CPED1: variants seen among roughly 807,000 people sequenced by gnomAD.
The protein encoded by CPED1 is cadherin-like and PC-esterase domain-containing protein 1.
Under a neutral mutation model 128.2 loss-of-function variants are expected in CPED1, and 114 were observed. The ratio of observed to expected loss-of-function variants is 0.89; its 90% CI spans 0.76 to 1.04. The LOEUF is 1.04. Among genes scored for constraint, CPED1 ranks in the 50% least tolerant of loss-of-function variants. CPED1 has a pLI of 0.00. For missense variants in CPED1, 1,211 were observed against 1,207.1 expected (o/e 1.00, Z -0.05); for synonymous variants, 462 against 426.7 (o/e 1.08, Z -1.02).
chr7:121,082,355 CAACAT>C (rs1231694367), intron 5 of CPED1, among the ~76,000 whole-genome samples: 2 of 152,128 alleles, frequency 1.3e-5, no homozygotes, highest in Non-Finnish European at 2.9e-5. Context: ...TTTTCTACCT[CAACAT>C]AAAGCTGTCA....
chr7:121,288,056 G>T (rs1249091909), intron 22 of CPED1, among the ~76,000 whole-genome samples: 2 of 152,076 alleles, frequency 1.3e-5, no homozygotes, highest in Non-Finnish European at 2.9e-5. Flanking sequence ...TTTCTGTAAT[G>T]AAATGTTTCA....
intron 16 of CPED1, among the ~76,000 whole-genome samples, chr7:121,232,286 G>A (rs1236802548): frequency 1.3e-5 from 2 of 152,102 alleles, no homozygotes; most frequent in Non-Finnish European, 2.9e-5. Flanking sequence ...GGAACATTGC[G>A]TGAAGCCTTT....
chr7:121,127,123 A>G lies in CPED1; in HGVS notation c.1168A>G (p.Asn390Asp), dbSNP rs746742667. ...GCATTTAAATTTTCAAGATTATGAT[A>G]ATATGGATTTTGAGGACCAAAATAC... ...HEHLNFQDYD[N>D]MDFEDQNTEE... Residue 390 changes from asparagine to aspartate, a missense_variant, in exon 10 of 23, where the codon AAT (asparagine) becomes GAT (aspartate). Coordinates refer to ENST00000310396, the MANE Select transcript of CPED1 (RefSeq NM_024913.5). The G allele has an allele frequency of 2.9e-5, 46 of 1,601,484 alleles. 1 individual carries two copies. Among genetic ancestry groups the G allele is most frequent in the South Asian group, 1.9e-4 (17 of 90,312 alleles).
At chr7:121,196,193 AATAAAATGGTGGGGAGAAG>A (rs1797268950) in intron 16 of CPED1, among the ~76,000 whole-genome samples, 1 of 152,028 alleles carries the variant, frequency 6.6e-6, no homozygotes. Context: ...AGTCCTGGTG[AATAAAATGGTGGGGAGAAG>A]ATTGCTGAGA....
chr7:121,255,778 G>A (rs546491759), intron 18 of CPED1, among the ~76,000 whole-genome samples: 1 of 151,932 alleles, frequency 6.6e-6, no homozygotes, highest in Non-Finnish European at 1.5e-5. Context: ...TCCAGGCTGA[G>A]AGTCAAATCA....
intron 7 of CPED1, among the ~76,000 whole-genome samples, chr7:121,124,069 AT>A (rs2116312897): frequency 6.6e-6 from 1 of 152,286 alleles, no homozygotes; most frequent in African/African-American, 2.4e-5. Flanking sequence ...CAAGACTTGC[AT>A]TTTCCACGAT....
chr7:121,244,466 T>C, intron 18 of CPED1, 128 bp downstream of exon 18: 1 of 921,030 alleles, frequency 1.1e-6, no homozygotes, highest in South Asian at 1.7e-5. Flanking sequence ...GAATGCAATA[T>C]GGCTTTTTGA....
At chr7:121,020,487 GA>G (rs1183221402) in intron 3 of CPED1, among the ~76,000 whole-genome samples, 1 of 151,872 alleles carries the variant, frequency 6.6e-6, no homozygotes, top group African/African-American at 2.4e-5. Context: ...GTCCTTTACA[GA>G]AAAAAGTTTC....
chr7:121,151,850 G>A (rs1353467654), intron 16 of CPED1, among the ~76,000 whole-genome samples: 1 of 138,550 alleles, frequency 7.2e-6, no homozygotes, highest in Admixed American at 8.0e-5. Flanking sequence ...GTAATGCTGA[G>A]AAAATTTCCA....
At chr7:121,189,173 T>A (rs1255887079) in intron 16 of CPED1, among the ~76,000 whole-genome samples, 1 of 152,154 alleles carries the variant, frequency 6.6e-6, no homozygotes, top group African/African-American at 2.4e-5. Flanking sequence ...TCTTCATTTA[T>A]GAAGATGAAG....
chr7:121,084,085 A>T (rs1794361384), intron 5 of CPED1, among the ~76,000 whole-genome samples: 1 of 152,170 alleles, frequency 6.6e-6, no homozygotes, highest in Admixed American at 6.5e-5. Context: ...GGATTCTAAA[A>T]TCATTACAAA....
At chr7:121,147,518 A>G (rs1222404974) in intron 16 of CPED1, among the ~76,000 whole-genome samples, 1 of 152,150 alleles carries the variant, frequency 6.6e-6, no homozygotes, top group Non-Finnish European at 1.5e-5. Context: ...AAATATACTT[A>G]TAAGAAAATT....
chr7:121,042,724 A>G (rs1034964647), intron 3 of CPED1, among the ~76,000 whole-genome samples: 2 of 152,190 alleles, frequency 1.3e-5, no homozygotes, highest in African/African-American at 4.8e-5. Flanking sequence ...AGATTGTTGT[A>G]TAGGATAAAT....
intron 4 of CPED1, among the ~76,000 whole-genome samples, chr7:121,060,265 C>T (rs1793623464): frequency 6.6e-6 from 1 of 152,232 alleles, no homozygotes; most frequent in African/African-American, 2.4e-5. Context: ...TGATGAGCGC[C>T]GCCCCTTGCT....
chr7:121,236,285 C>G (rs776598204), intron 16 of CPED1, among the ~76,000 whole-genome samples: 7 of 152,042 alleles, frequency 4.6e-5, no homozygotes, highest in Non-Finnish European at 7.4e-5. Flanking sequence ...GCATCTGATT[C>G]CACTCTGGTG....
At chr7:121,081,198 A>T (rs1794284740) in intron 5 of CPED1, among the ~76,000 whole-genome samples, 1 of 152,216 alleles carries the variant, frequency 6.6e-6, no homozygotes, top group Admixed American at 6.5e-5. Context: ...CTGTTGAAAA[A>T]TATATTGATA....
At chr7:121,157,539 T>C (rs1397155735) in intron 16 of CPED1, among the ~76,000 whole-genome samples, 2 of 152,190 alleles carry the variant, frequency 1.3e-5, no homozygotes, top group Non-Finnish European at 2.9e-5. Context: ...TGGTGAGTCT[T>C]GTGTTCCAAT....
chr7:121,261,610 G>T (rs1333710932), intron 18 of CPED1: 1 of 1,606,010 alleles, frequency 6.2e-7, no homozygotes, highest in Non-Finnish European at 8.5e-7. Flanking sequence ...AAACCTGACA[G>T]CTTCTTTTTT....
At chr7:121,214,083 C>T (rs1471283867) in intron 16 of CPED1, among the ~76,000 whole-genome samples, 3 of 151,906 alleles carry the variant, frequency 2.0e-5, no homozygotes, top group African/African-American at 7.2e-5. Context: ...TGGAATGCCT[C>T]ACAGTTTGGA....
Sources: gnomAD v4.1 joint callset for allele counts (sites outside exome capture counted in the v4.1 genomes callset) on GRCh38, gnomAD v4.1.1 for gene constraint, MANE v1.5 for transcripts, NCBI Gene and HGNC (gene_info 2026-07-23, HGNC 2026-07-21) for gene names.